SPATA13: variants seen among roughly 807,000 people sequenced by gnomAD.
SPATA13 encodes the protein spermatogenesis-associated protein 13.
Under a neutral mutation model 104.0 loss-of-function variants are expected in SPATA13, and 50 were observed. The observed-to-expected ratio is 0.48, with a 90% confidence interval of 0.38 to 0.61. SPATA13 has a LOEUF of 0.61. Ranked by LOEUF, SPATA13 falls within the 20% of genes least tolerant of loss-of-function variation. The pLI is 0.00. For synonymous variants in SPATA13, 606 were observed against 667.5 expected, an observed-to-expected ratio of 0.91 and a Z score of 1.42; for missense variants, 1,524 against 1,690.6, an observed-to-expected ratio of 0.90 and a Z score of 1.73.
At chr13:24,198,185 G>A (rs769073949) in intron 1 of SPATA13, among the ~76,000 whole-genome samples, 24 of 152,060 alleles carry the variant, frequency 1.6e-4, no homozygotes, top group Non-Finnish European at 3.2e-4. Context: ...AGTAGAGACG[G>A]GGTTTCACTG....
chr13:24,103,921 C>G (rs1338117817), intron 3 of SPATA13, among the ~76,000 whole-genome samples: 1 of 152,182 alleles, frequency 6.6e-6, no homozygotes, highest in Non-Finnish European at 1.5e-5. Flanking sequence ...CACACCAGCG[C>G]TGCTCAGACA....
At chr13:24,300,061 T>A (rs1405785341) in intron 11 of SPATA13, among the ~76,000 whole-genome samples, 2 of 152,144 alleles carry the variant, frequency 1.3e-5, no homozygotes, top group Non-Finnish European at 2.9e-5. Flanking sequence ...GTCCTCTCCT[T>A]CTGGGGCCTC....
intron 2 of SPATA13, among the ~76,000 whole-genome samples, chr13:24,230,993 T>G (rs954171107): frequency 2.6e-5 from 4 of 152,156 alleles, no homozygotes; most frequent in African/African-American, 9.7e-5. Flanking sequence ...GTATGCAGTT[T>G]GATGATTTTT....
At chr13:24,036,205 T>C (rs1877676689) in intron 3 of SPATA13, among the ~76,000 whole-genome samples, 1 of 152,206 alleles carries the variant, frequency 6.6e-6, no homozygotes, top group Non-Finnish European at 1.5e-5. Context: ...TGAAAGTATC[T>C]ATATTTTCCA....
chr13:24,235,621 G>A (rs2138634353), intron 2 of SPATA13, among the ~76,000 whole-genome samples: 1 of 152,276 alleles, frequency 6.6e-6, no homozygotes, highest in East Asian at 1.9e-4. Context: ...GCCAGGTGTG[G>A]TGGTGCAAGC....
chr13:24,198,176 G>A (rs1463553813), intron 1 of SPATA13, among the ~76,000 whole-genome samples: 1 of 152,088 alleles, frequency 6.6e-6, no homozygotes, highest in Non-Finnish European at 1.5e-5. Flanking sequence ...TATATTTTTA[G>A]TAGAGACGGG....
chr13:24,003,762 C>T (rs1265952156), intron 2 of SPATA13, among the ~76,000 whole-genome samples: 1 of 152,170 alleles, frequency 6.6e-6, no homozygotes, highest in African/African-American at 2.4e-5. Context: ...TATACATCAG[C>T]CATTATCCAT....
intron 8 of SPATA13, among the ~76,000 whole-genome samples, chr13:24,289,651 AG>A (rs985821253): frequency 9.9e-5 from 15 of 152,198 alleles, no homozygotes; most frequent in African/African-American, 3.6e-4. Flanking sequence ...TACCAGTAAG[AG>A]GCATCTGTGA....
intron 3 of SPATA13, among the ~76,000 whole-genome samples, chr13:24,113,902 A>AATATAGTT (rs1239081902): frequency 4.4e-4 from 67 of 151,910 alleles, no homozygotes; most frequent in African/African-American, 1.6e-3. Context: ...AAAGAAAGAA[A>AATATAGTT]ATATAGTTAT....
In SPATA13 at chr13:24,161,234, G is replaced by A. The variant is rs1327615593; in HGVS notation, c.-112+302G>A. On this transcript the variant is annotated intron_variant, in intron 1 of 12. Coordinates refer to ENST00000382108, the MANE Select transcript of SPATA13 (RefSeq NM_001166271.3). This position sits in a 1 kb window ranked among gnomAD's most constrained non-coding sequence, Gnocchi z 4.5. ...GGCCGTTTCCAGCCGGAAGCCTGCAGGGAGGTCGCCTTGTAACTTCACCCG... is the reference window on the plus strand; with the variant it reads ...GGCCGTTTCCAGCCGGAAGCCTGCAAGGAGGTCGCCTTGTAACTTCACCCG... Among the ~76,000 whole-genome samples, 1 of 152,138 alleles carries A rather than the reference G, an allele frequency of 6.6e-6. No individual in the cohort carries two copies. Among genetic ancestry groups the A allele is most frequent in the African/African-American group, 2.4e-5 (1 of 41,438 alleles).
chr13:24,169,519 C>T (rs938935365), intron 1 of SPATA13, among the ~76,000 whole-genome samples: 12 of 152,070 alleles, frequency 7.9e-5, no homozygotes, highest in African/African-American at 2.7e-4. Flanking sequence ...ATAAACAGCT[C>T]GAAAGCAGAC....
At chr13:24,291,784 C>G (rs1480150389) in intron 9 of SPATA13, among the ~76,000 whole-genome samples, 1 of 124,050 alleles carries the variant, frequency 8.1e-6, no homozygotes, top group Non-Finnish European at 1.8e-5. Flanking sequence ...GAGTCTCGTT[C>G]TGTCGCCCAG....
At chr13:24,206,752 C>T (rs543397987) in intron 1 of SPATA13, among the ~76,000 whole-genome samples, 3 of 152,202 alleles carry the variant, frequency 2.0e-5, no homozygotes, top group Middle Eastern at 3.4e-3. Context: ...ATTAGCCAGA[C>T]GTGTTGGGAT....
At chr13:24,239,741 A>G (rs1443429655) in intron 2 of SPATA13, among the ~76,000 whole-genome samples, 1 of 149,950 alleles carries the variant, frequency 6.7e-6, no homozygotes, top group Non-Finnish European at 1.5e-5. Context: ...GGTTGCTAAC[A>G]TATTCAGAGC....
At chr13:24,281,773 G>C (rs1875540694) in intron 4 of SPATA13, among the ~76,000 whole-genome samples, 1 of 152,146 alleles carries the variant, frequency 6.6e-6, no homozygotes, top group African/African-American at 2.4e-5. Context: ...GGGCTGCCAG[G>C]TGGGAGGTGG....
At chr13:24,264,327 C>T (rs141279079) in intron 4 of SPATA13, among the ~76,000 whole-genome samples, 1 of 152,052 alleles carries the variant, frequency 6.6e-6, no homozygotes, top group African/African-American at 2.4e-5. Flanking sequence ...AGCAAGACAG[C>T]TAAATGTCTA....
intron 4 of SPATA13, among the ~76,000 whole-genome samples, chr13:24,261,799 A>G (rs979836763): frequency 4.0e-5 from 6 of 151,808 alleles, no homozygotes; most frequent in African/African-American, 1.5e-4. Flanking sequence ...GTTTCAGTTC[A>G]GCAGTTCAGT....
intron 3 of SPATA13, among the ~76,000 whole-genome samples, chr13:24,030,055 C>T (rs1434894612): frequency 1.4e-5 from 2 of 142,986 alleles, no homozygotes; most frequent in Non-Finnish European, 3.0e-5. Flanking sequence ...CTAACACACA[C>T]ACACACACAC....
At chr13:24,068,779 T>A (rs1012572240) in intron 3 of SPATA13, among the ~76,000 whole-genome samples, 1 of 152,182 alleles carries the variant, frequency 6.6e-6, no homozygotes, top group Admixed American at 6.5e-5. Context: ...GGTATTGAGC[T>A]CTTTTTCATA....
Sources: gnomAD v4.1 joint callset for allele counts (sites outside exome capture counted in the v4.1 genomes callset) on GRCh38, gnomAD v4.1.1 for gene constraint, Gnocchi (gnomAD v3.1) non-coding constraint, MANE v1.5 for transcripts, NCBI Gene and HGNC (gene_info 2026-07-23, HGNC 2026-07-21) for gene names.